Variants in RDH13 observed in about 807,000 individuals in gnomAD.
RDH13 encodes retinol dehydrogenase 13.
In RDH13, 35 loss-of-function variants were observed where a neutral mutation model predicts 28.3. That is an observed-to-expected ratio of 1.24 (90% CI 0.95 to 1.64). The LOEUF (loss-of-function observed/expected upper bound fraction) is 1.64, where lower values mean the gene tolerates loss of function less well. Among genes scored for constraint, RDH13 ranks in the 40% most tolerant of loss-of-function variants. The pLI, the probability that RDH13 is intolerant of heterozygous loss-of-function variation, is 0.00. For missense variants in RDH13, 514 were observed against 446.3 expected, an observed-to-expected ratio of 1.15 and a Z score of -1.37; for synonymous variants, 229 against 198.5, an observed-to-expected ratio of 1.15 and a Z score of -1.29.
rs538342783 is a variant in RDH13 at position 55,054,211 on chromosome 19, T to A, written c.340+2442A>T. ...TAAATGAGGTCCCACAACTCCCCCA[T>A]TCCTTGTTCATTTCCTGAGTACCCG... is the stretch of plus-strand genomic sequence containing the variant. On this transcript the variant is annotated intron_variant, in intron 3 of 6. Transcript: ENST00000415061. 1.1e-3 allele frequency among the ~76,000 whole-genome samples: 160 copies of A among 152,290 alleles called. 1 individual carries two copies. The highest frequency in any genetic ancestry group is 3.8e-3 in the African/African-American group (157 of 41,568).
chr19:55,066,612 CTCT>C (rs1256003571), upstream of RDH13, among the ~76,000 whole-genome samples: 16 of 149,580 alleles, frequency 1.1e-4, no homozygotes, highest in South Asian at 4.3e-4. Flanking sequence ...TTTTCTTCCT[CTCT>C]TCTTGTCTCT....
chr19:55,048,097 A>G, intron 5 of RDH13: 1 of 1,512,174 alleles, frequency 6.6e-7, no homozygotes, highest in Non-Finnish European at 8.8e-7. Flanking sequence ...AGGGAAGGAC[A>G]TCTGATCCAG....
At chr19:55,060,765 C>T (rs62124163) in intron 1 of RDH13, among the ~76,000 whole-genome samples, 15,869 of 152,138 alleles carry the variant, frequency 0.1, 882 homozygotes, top group Non-Finnish European at 0.13. Context: ...ACCTGGAAGG[C>T]GGAGGTTGCA....
At chr19:55,040,839 A>C (rs1476609428), downstream of RDH13, 1 of 152,244 alleles carries the variant, frequency 6.6e-6, no homozygotes, top group Non-Finnish European at 1.5e-5. Flanking sequence ...ATAAAACTAT[A>C]AACCCGGCTG....
At chr19:55,060,636 C>T (rs2075781402) in intron 1 of RDH13, among the ~76,000 whole-genome samples, 1 of 152,274 alleles carries the variant, frequency 6.6e-6, no homozygotes, top group East Asian at 1.9e-4. Context: ...CTCAGTCTCT[C>T]GTCCCACCCA....
intron 3 of RDH13, among the ~76,000 whole-genome samples, chr19:55,056,344 T>A (rs2075631616): frequency 6.6e-6 from 1 of 152,012 alleles, no homozygotes; most frequent in Non-Finnish European, 1.5e-5. Flanking sequence ...GGCATCTTAA[T>A]CCCAGCTACT....
At chr19:55,052,573 G>A (rs1468118346) in intron 3 of RDH13, among the ~76,000 whole-genome samples, 1 of 148,782 alleles carries the variant, frequency 6.7e-6, no homozygotes, top group Non-Finnish European at 1.5e-5. Flanking sequence ...CCTCACTGCA[G>A]CCTCAACCTC....
chr19:55,056,605 G>T (rs2075641685), intron 3 of RDH13, 48 bp downstream of exon 3: 1 of 1,594,438 alleles, frequency 6.3e-7, no homozygotes, highest in Non-Finnish European at 8.6e-7. Context: ...CCTGGCCCTG[G>T]GAGCCGCCTA....
intron 3 of RDH13, 52 bp from the exon 4 acceptor site, chr19:55,048,815 C>G: frequency 6.8e-7 from 1 of 1,461,104 alleles, no homozygotes; most frequent in Non-Finnish European, 9.5e-7. Flanking sequence ...AGACCCCAGC[C>G]TGATGCACCA....
At chr19:55,058,519 C>T (rs1212513584) in intron 2 of RDH13, among the ~76,000 whole-genome samples, 1 of 152,108 alleles carries the variant, frequency 6.6e-6, no homozygotes, top group Non-Finnish European at 1.5e-5. Context: ...TTCTCCCCTC[C>T]CCTCCTGACC....
chr19:55,066,991 G>A (rs113582526), upstream of RDH13, among the ~76,000 whole-genome samples: 1,568 of 152,272 alleles, frequency 0.01, 32 homozygotes, highest in African/African-American at 0.037. Context: ...GCAGATGGTA[G>A]GTTTTTGAGT....
intron 3 of RDH13, among the ~76,000 whole-genome samples, chr19:55,049,661 C>A (rs1243485726): frequency 6.6e-6 from 1 of 152,006 alleles, no homozygotes; most frequent in Non-Finnish European, 1.5e-5. Flanking sequence ...TGGTGGCATG[C>A]ACCTGTAATC....
intron 3 of RDH13, among the ~76,000 whole-genome samples, chr19:55,054,898 T>C (rs1312141034): frequency 3.9e-5 from 6 of 152,148 alleles, no homozygotes; most frequent in Non-Finnish European, 7.3e-5. Context: ...ATTAGCTTGA[T>C]TTAGCCATTC....
Position 55,048,703 on chromosome 19 carries a change from G to T in RDH13, c.401C>A (p.Thr134Asn), listed in dbSNP as rs751929411. Residue 134 changes from threonine to asparagine, a missense_variant, in exon 4 of 7, where the codon ACC becomes AAC. By Grantham distance (65) the Thr-to-Asn change is moderately conservative (BLOSUM62 0). Transcript: ENST00000415061. ...CTGCATCTCGAAGCCGTCCTCGGTG[G>T]TCCAGTGGGGGCACCGCATCACACC... ...NAGVMRCPHW[T>N]TEDGFEMQFG... The T allele has an allele frequency of 6.2e-7, 1 of 1,613,992 alleles. No individual in the cohort carries two copies. The highest frequency in any genetic ancestry group is 8.5e-7 in the Non-Finnish European group (1 of 1,180,014).
At chr19:55,063,283 G>C (rs540552155), upstream of RDH13, 6 of 390,136 alleles carry the variant, frequency 1.5e-5, no homozygotes, top group African/African-American at 1.2e-4. Context: ...GGTTTCAGGA[G>C]CCTGTGGGCG....
upstream of RDH13, among the ~76,000 whole-genome samples, chr19:55,065,771 G>T (rs113081734): frequency 6.6e-6 from 1 of 151,298 alleles, no homozygotes; most frequent in East Asian, 2.0e-4. Context: ...AGGCTGGAGC[G>T]CAGTGATGCA....
At chr19:55,061,873 T>C (rs189489442) in intron 1 of RDH13, among the ~76,000 whole-genome samples, 1 of 151,930 alleles carries the variant, frequency 6.6e-6, no homozygotes, top group Non-Finnish European at 1.5e-5. Flanking sequence ...ACCCCAGCAC[T>C]TTGGGAGGCC....
At chr19:55,065,029 T>C (rs529132004), upstream of RDH13, among the ~76,000 whole-genome samples, 1 of 151,060 alleles carries the variant, frequency 6.6e-6, no homozygotes, top group East Asian at 2.0e-4. Context: ...CACTGAATTG[T>C]ACACTTAAAA....
At chr19:55,045,698 C>T (rs2075201590) in intron 6 of RDH13, among the ~76,000 whole-genome samples, 1 of 152,136 alleles carries the variant, frequency 6.6e-6, no homozygotes, top group Non-Finnish European at 1.5e-5. Context: ...GTAATCCCAG[C>T]ACTTTGGGAG....
Sources: allele counts gnomAD v4.1 joint callset (sites outside exome capture counted in the v4.1 genomes callset), GRCh38; gene constraint gnomAD v4.1.1; transcripts MANE v1.5; gene names NCBI Gene and HGNC (gene_info 2026-07-23, HGNC 2026-07-21).